Variants in EEFSEC observed in about 807,000 individuals in gnomAD.
EEFSEC encodes eukaryotic elongation factor, selenocysteine-tRNA specific.
A neutral mutation model predicts 42.1 loss-of-function variants in EEFSEC; 43 were observed. That is an observed-to-expected ratio of 1.02 (90% CI 0.80 to 1.32). EEFSEC has a LOEUF of 1.32. Among genes scored for constraint, EEFSEC ranks in the 40% most tolerant of loss-of-function variants. EEFSEC has a pLI of 0.00. For synonymous variants in EEFSEC, 354 were observed against 339.1 expected, an observed-to-expected ratio of 1.04 and a Z score of -0.48; for missense variants, 745 against 803.6, an observed-to-expected ratio of 0.93 and a Z score of 0.88.
intron 2 of EEFSEC, among the ~76,000 whole-genome samples, chr3:128,259,173 C>T (rs1025371931): frequency 2.0e-5 from 3 of 152,202 alleles, no homozygotes; most frequent in Non-Finnish European, 4.4e-5. Context: ...TCTCTTTCTG[C>T]CACTCCCACT....
intron 4 of EEFSEC, among the ~76,000 whole-genome samples, chr3:128,279,643 G>A (rs2066505100): frequency 6.6e-6 from 1 of 152,108 alleles, no homozygotes; most frequent in Non-Finnish European, 1.5e-5. Context: ...GGTCAGAGGG[G>A]AGACGAGACC....
At chr3:128,355,446 A>G (rs1459406845) in intron 5 of EEFSEC, among the ~76,000 whole-genome samples, 1 of 152,026 alleles carries the variant, frequency 6.6e-6, no homozygotes, top group Non-Finnish European at 1.5e-5. Flanking sequence ...GGGAGGCATA[A>G]CAGAGGGGCA....
intron 6 of EEFSEC, among the ~76,000 whole-genome samples, chr3:128,375,013 A>C (rs2067693577): frequency 6.6e-6 from 1 of 152,228 alleles, no homozygotes; most frequent in Admixed American, 6.5e-5. Context: ...CATGAATTCC[A>C]GAAGTTCCCA....
chr3:128,248,116 G>A (rs958472612), intron 2 of EEFSEC, among the ~76,000 whole-genome samples: 10 of 152,172 alleles, frequency 6.6e-5, no homozygotes, highest in African/African-American at 2.4e-4. Context: ...TCCTTGTTGA[G>A]CACAGTGTTG....
intron 4 of EEFSEC, among the ~76,000 whole-genome samples, chr3:128,277,840 G>C (rs1474028821): frequency 5.3e-5 from 8 of 152,232 alleles, no homozygotes; most frequent in African/African-American, 1.9e-4. Context: ...TGAAGTCAGG[G>C]GAGGCTTCTC....
At chr3:128,163,781 A>G (rs2065215328) in intron 1 of EEFSEC, among the ~76,000 whole-genome samples, 1 of 152,096 alleles carries the variant, frequency 6.6e-6, no homozygotes, top group Non-Finnish European at 1.5e-5. Context: ...ATTTCATATA[A>G]GTAGATCACA....
intron 6 of EEFSEC, among the ~76,000 whole-genome samples, chr3:128,400,556 T>G (rs1467360174): frequency 6.6e-6 from 1 of 152,222 alleles, no homozygotes; most frequent in African/African-American, 2.4e-5. Context: ...ACTGCTTGTT[T>G]ACAGCAGTGG....
chr3:128,410,540 C>T (rs759693943), downstream of EEFSEC, among the ~76,000 whole-genome samples: 5 of 152,156 alleles, frequency 3.3e-5, no homozygotes, highest in Admixed American at 6.5e-5. Context: ...ATGTGGCTGC[C>T]GCCACCAGGG....
chr3:128,311,769 G>C (rs764699556), intron 4 of EEFSEC, among the ~76,000 whole-genome samples: 14 of 152,184 alleles, frequency 9.2e-5, no homozygotes, highest in Non-Finnish European at 2.1e-4. Flanking sequence ...AGTGTTCCTT[G>C]TTGTTTTGCA....
chr3:128,312,685 G>A (rs1055723805), intron 4 of EEFSEC, among the ~76,000 whole-genome samples: 4 of 152,256 alleles, frequency 2.6e-5, no homozygotes, highest in African/African-American at 9.6e-5. Flanking sequence ...AGGTACAGAT[G>A]ACAGGCAGGG....
At chr3:128,416,179 G>T in the EEFSEC span, among the ~76,000 whole-genome samples, 1 of 152,124 alleles carries the variant, frequency 6.6e-6, no homozygotes, top group Non-Finnish European at 1.5e-5. Context: ...TGGGGGAGGG[G>T]CCCACCGGAG....
intron 5 of EEFSEC, among the ~76,000 whole-genome samples, chr3:128,343,434 C>T (rs1021804258): frequency 1.7e-4 from 26 of 152,268 alleles, no homozygotes; most frequent in Admixed American, 1.7e-3. Flanking sequence ...TTCCTCAGAC[C>T]CAGAGCTTGG....
intron 4 of EEFSEC, among the ~76,000 whole-genome samples, chr3:128,271,705 C>T (rs1413123949): frequency 6.6e-6 from 1 of 152,142 alleles, no homozygotes; most frequent in Non-Finnish European, 1.5e-5. Context: ...AGCACCATGG[C>T]CACTGCTCAG....
rs540800677 is a variant in EEFSEC, at chr3:128,269,487, G to A, written c.786+4706G>A. On this transcript the variant is annotated intron_variant, in intron 4 of 6. Coordinates refer to ENST00000254730, the MANE Select transcript of EEFSEC (RefSeq NM_021937.5). The stretch of plus-strand genomic sequence containing the variant: ...TGCCTATTGGGCACCGGGACATGGG[G>A]GGCCATGGCCCTCTTTCCAAACACA... Among the ~76,000 whole-genome samples the A allele has an allele frequency of 9.2e-4, 140 of 152,360 alleles. 1 individual carries two copies. Among genetic ancestry groups the A allele is most frequent in the African/African-American group, 3.2e-3 (132 of 41,584 alleles).
chr3:128,176,928 T>A (rs1242846921), intron 1 of EEFSEC, among the ~76,000 whole-genome samples: 1 of 151,950 alleles, frequency 6.6e-6, no homozygotes, highest in East Asian at 1.9e-4. Context: ...GCTATAAATG[T>A]GGTCTTCCCT....
intron 1 of EEFSEC, among the ~76,000 whole-genome samples, chr3:128,179,634 C>T (rs2065384898): frequency 6.6e-6 from 1 of 152,214 alleles, no homozygotes. Context: ...CTCCAACTTG[C>T]AGCTTGTCCC....
chr3:128,216,048 T>C (rs1249430361), intron 1 of EEFSEC, among the ~76,000 whole-genome samples: 1 of 151,984 alleles, frequency 6.6e-6, no homozygotes, highest in Non-Finnish European at 1.5e-5. Context: ...TCCATAACAA[T>C]GGGGATGCAT....
chr3:128,397,348 C>T (rs1213091030), intron 6 of EEFSEC, among the ~76,000 whole-genome samples: 1 of 152,234 alleles, frequency 6.6e-6, no homozygotes, highest in African/African-American at 2.4e-5. Flanking sequence ...TGCTCCCTGG[C>T]TTCCCAGCTG....
At chr3:128,337,728 C>T (rs1370127657) in intron 4 of EEFSEC, among the ~76,000 whole-genome samples, 2 of 152,208 alleles carry the variant, frequency 1.3e-5, no homozygotes, top group Non-Finnish European at 2.9e-5. Flanking sequence ...CAGTCCTTGT[C>T]TCGGGATTTA....
Sources: gnomAD v4.1 joint callset for allele counts (sites outside exome capture counted in the v4.1 genomes callset) on GRCh38, gnomAD v4.1.1 for gene constraint, MANE v1.5 for transcripts, NCBI Gene and HGNC (gene_info 2026-07-23, HGNC 2026-07-21) for gene names.